Variants in FHIT observed in about 807,000 individuals in gnomAD.
FHIT encodes fragile histidine triad diadenosine triphosphatase.
FHIT carries 19 observed loss-of-function variants against 17.9 expected under a neutral mutation model. The ratio of observed to expected loss-of-function variants is 1.06; its 90% CI spans 0.74 to 1.56. The LOEUF is 1.56. Ranked by LOEUF, FHIT falls within the 40% of genes most tolerant of loss-of-function variation. The pLI, the probability that FHIT is intolerant of heterozygous loss-of-function variation, is 0.00. For missense variants in FHIT, 248 were observed against 189.2 expected (o/e 1.31, Z -1.82); for synonymous variants, 81 against 69.7 (o/e 1.16, Z -0.81).
intron 2 of FHIT, among the ~76,000 whole-genome samples, chr3:61,043,084 C>T (rs754087996): frequency 4.6e-5 from 7 of 152,062 alleles, no homozygotes; most frequent in African/African-American, 1.7e-4. Context: ...ACTGAGGTAC[C>T]GGGTTCATCT....
At chr3:61,056,560 C>T (rs887441647) in intron 2 of FHIT, among the ~76,000 whole-genome samples, 1 of 152,072 alleles carries the variant, frequency 6.6e-6, no homozygotes, top group Non-Finnish European at 1.5e-5. Context: ...TCAGGGGAGG[C>T]CTTCCCATGT....
At chr3:59,848,012 C>G (rs1335161839) in intron 8 of FHIT, among the ~76,000 whole-genome samples, 1 of 152,160 alleles carries the variant, frequency 6.6e-6, no homozygotes. Flanking sequence ...GAGGAAGGTA[C>G]AACAATAATG....
At chr3:60,221,277 T>C (rs1436183789) in intron 5 of FHIT, among the ~76,000 whole-genome samples, 1 of 152,146 alleles carries the variant, frequency 6.6e-6, no homozygotes, top group African/African-American at 2.4e-5. Flanking sequence ...AACGTTTTTT[T>C]CCTTTTGTTT....
chr3:60,308,488 G>A (rs1410984861), intron 5 of FHIT, among the ~76,000 whole-genome samples: 1 of 53,792 alleles, frequency 1.9e-5, no homozygotes, highest in East Asian at 6.2e-4. Context: ...ATAGGTATAG[G>A]TGTATGTGTA....
intron 5 of FHIT, among the ~76,000 whole-genome samples, chr3:60,039,966 T>C (rs1397776529): frequency 2.0e-5 from 3 of 152,170 alleles, no homozygotes; most frequent in African/African-American, 7.2e-5. Context: ...AAAATATTTA[T>C]GGAGAGCCAA....
chr3:61,054,503 C>A (rs12632698), intron 2 of FHIT, among the ~76,000 whole-genome samples: 1 of 151,918 alleles, frequency 6.6e-6, no homozygotes, highest in South Asian at 2.1e-4. Flanking sequence ...TTTGCTGATT[C>A]TTTATACACA....
At chr3:60,533,291 T>C (rs2035854019) in intron 5 of FHIT, among the ~76,000 whole-genome samples, 2 of 152,168 alleles carry the variant, frequency 1.3e-5, no homozygotes, top group African/African-American at 4.8e-5. Flanking sequence ...TTTCGGCACA[T>C]CCTGTCTCTC....
intron 3 of FHIT, among the ~76,000 whole-genome samples, chr3:60,828,738 C>T (rs1242219481): frequency 6.6e-6 from 1 of 152,088 alleles, no homozygotes; most frequent in Admixed American, 6.6e-5. Context: ...ATTAGCCAGG[C>T]ATGGTGGCGG....
intron 5 of FHIT, among the ~76,000 whole-genome samples, chr3:60,076,674 G>A (rs2736767): frequency 0.65 from 98,978 of 151,804 alleles, 33,190 homozygotes; most frequent in Middle Eastern, 0.77. Context: ...GATAATAATG[G>A]TACTCTGAGA....
intron 5 of FHIT, among the ~76,000 whole-genome samples, chr3:60,146,461 T>A (rs928299508): frequency 2.6e-5 from 4 of 152,048 alleles, no homozygotes; most frequent in Non-Finnish European, 5.9e-5. Flanking sequence ...CTTTACTTCA[T>A]CTGATTTCAT....
intron 5 of FHIT, among the ~76,000 whole-genome samples, chr3:60,027,736 G>T (rs1167489338): frequency 1.5e-5 from 2 of 130,882 alleles, no homozygotes. Context: ...AAAAAAAAAA[G>T]AATAATTCAG....
chr3:59,888,904 T>C (rs4368451), intron 8 of FHIT, among the ~76,000 whole-genome samples: 6,786 of 152,304 alleles, frequency 0.045, 165 homozygotes, highest in South Asian at 0.079. Context: ...GCCTTCTTGC[T>C]ATGTCATAAC....
intron 3 of FHIT, among the ~76,000 whole-genome samples, chr3:60,940,606 G>A (rs558152079): frequency 3.9e-5 from 6 of 152,204 alleles, no homozygotes; most frequent in Admixed American, 2.6e-4. Flanking sequence ...GTTATATGAT[G>A]ACATCTTTAT....
chr3:60,529,929 C>G (rs1044534194), intron 5 of FHIT, among the ~76,000 whole-genome samples: 1 of 85,950 alleles, frequency 1.2e-5, no homozygotes, highest in Non-Finnish European at 2.6e-5. Context: ...TGTGTAGATC[C>G]GCAGATCGTA....
At chr3:59,955,298 C>G (rs1326436313) in intron 7 of FHIT, among the ~76,000 whole-genome samples, 1 of 152,178 alleles carries the variant, frequency 6.6e-6, no homozygotes, top group Admixed American at 6.5e-5. Context: ...ACCCCGGCAC[C>G]GGCTCCTGGG....
intron 3 of FHIT, among the ~76,000 whole-genome samples, chr3:60,984,153 T>C (rs1455668761): frequency 6.6e-6 from 1 of 152,212 alleles, no homozygotes; most frequent in Non-Finnish European, 1.5e-5. Flanking sequence ...TGGAATTCTA[T>C]GTACAACCTA....
At chr3:59,993,132 T>C (rs911024597) in intron 7 of FHIT, among the ~76,000 whole-genome samples, 3 of 152,232 alleles carry the variant, frequency 2.0e-5, no homozygotes, top group Admixed American at 6.5e-5. Context: ...TTTTCTTACA[T>C]CCGGGAAATT....
chr3:61,146,818 A>G (rs1271056021), intron 2 of FHIT, among the ~76,000 whole-genome samples: 2 of 152,052 alleles, frequency 1.3e-5, no homozygotes, highest in African/African-American at 4.8e-5. Context: ...ACATACATCA[A>G]AGTCAAAAAG....
At chr3:60,879,018 C>G (rs1461208430) in intron 3 of FHIT, among the ~76,000 whole-genome samples, 1 of 152,160 alleles carries the variant, frequency 6.6e-6, no homozygotes, top group Non-Finnish European at 1.5e-5. Flanking sequence ...AATGGGATGG[C>G]TGGGTCAAAT....
Sources: gnomAD v4.1 joint callset for allele counts (sites outside exome capture counted in the v4.1 genomes callset) on GRCh38, gnomAD v4.1.1 for gene constraint, MANE v1.5 for transcripts, NCBI Gene and HGNC (gene_info 2026-07-23, HGNC 2026-07-21) for gene names.